ARHGEF6: variants seen among roughly 807,000 people sequenced by gnomAD.
The protein encoded by ARHGEF6 is rho guanine nucleotide exchange factor 6.
ARHGEF6 carries 9 observed loss-of-function variants against 70.3 expected under a neutral mutation model. That is an observed-to-expected ratio of 0.13 (90% CI 0.08 to 0.22). The LOEUF is 0.22. ARHGEF6 is among the 10% of genes least tolerant of loss of function. The probability of loss-of-function intolerance (pLI) is 1.00; values close to 1 mark genes in which losing one functional copy is unlikely to be tolerated. For missense variants in ARHGEF6, 470 were observed against 563.0 expected (o/e 0.83, Z 1.67); for synonymous variants, 201 against 207.8 (o/e 0.97, Z 0.28).
At chrX:136,701,056 A>G (rs1234523285) in intron 9 of ARHGEF6, among the ~76,000 whole-genome samples, 1 of 112,078 alleles carries the variant, frequency 8.9e-6, no homozygotes, top group Non-Finnish European at 1.9e-5. Flanking sequence ...AAGATATGTC[A>G]ATAGAAATTT....
At chrX:136,726,637 G>C (rs2076855434) in intron 6 of ARHGEF6, among the ~76,000 whole-genome samples, 1 of 112,451 alleles carries the variant, frequency 8.9e-6, no homozygotes, top group Non-Finnish European at 1.9e-5. Flanking sequence ...ACATGCCACA[G>C]CCTTCCTCCC....
intron 12 of ARHGEF6, among the ~76,000 whole-genome samples, chrX:136,685,200 G>T (rs1466219330): frequency 1.8e-5 from 2 of 110,972 alleles, no homozygotes; most frequent in Non-Finnish European, 3.8e-5. Context: ...TTTTGTTTTT[G>T]TGCCCCCTCC....
intron 6 of ARHGEF6, among the ~76,000 whole-genome samples, chrX:136,722,078 C>T (rs1767941693): frequency 9.1e-6 from 1 of 110,324 alleles, no homozygotes; most frequent in Non-Finnish European, 1.9e-5. Flanking sequence ...AAAAAAAAGA[C>T]CATTCAGTGG....
At chrX:136,682,312 C>T (rs1423629230) in intron 13 of ARHGEF6, among the ~76,000 whole-genome samples, 6 of 112,107 alleles carry the variant, frequency 5.4e-5, no homozygotes, top group African/African-American at 1.9e-4. Flanking sequence ...GCAATAGTAA[C>T]TTATAATACT....
chrX:136,706,792 T>C, intron 9 of ARHGEF6, 116 bp downstream of exon 9: 1 of 959,901 alleles, frequency 1.0e-6, no homozygotes, highest in East Asian at 3.1e-5. Context: ...ATGAATCAAT[T>C]CCTGGCATCA....
chrX:136,716,126 G>A (rs1476237577), intron 6 of ARHGEF6, among the ~76,000 whole-genome samples: 1 of 112,585 alleles, frequency 8.9e-6, no homozygotes, highest in Non-Finnish European at 1.9e-5. Flanking sequence ...TTTTAGTAGA[G>A]ATGGGGGTTT....
chrX:136,739,842 G>A (rs2077024841), intron 5 of ARHGEF6, among the ~76,000 whole-genome samples: 2 of 111,073 alleles, frequency 1.8e-5, no homozygotes, highest in Non-Finnish European at 3.8e-5. Flanking sequence ...GGCACAGGCA[G>A]CCAAGAGACC....
At chrX:136,684,539 A>C (rs2076364711) in intron 12 of ARHGEF6, among the ~76,000 whole-genome samples, 1 of 110,609 alleles carries the variant, frequency 9.0e-6, no homozygotes, top group Non-Finnish European at 1.9e-5. Context: ...TAAAAGAAAT[A>C]ATCCATCTTC....
At chrX:136,721,162 A>G (rs1309843770) in intron 6 of ARHGEF6, among the ~76,000 whole-genome samples, 1 of 112,376 alleles carries the variant, frequency 8.9e-6, no homozygotes, top group Middle Eastern at 4.2e-3. Flanking sequence ...TAAAAATAAA[A>G]CCAGTATGTT....
chrX:136,774,059 C>T (rs756537595), intron 2 of ARHGEF6: 1 of 110,917 alleles, frequency 9.0e-6, no homozygotes, highest in South Asian at 3.8e-4. Context: ...TTCATATGGC[C>T]CCTGTACGAG....
intron 2 of ARHGEF6, among the ~76,000 whole-genome samples, chrX:136,754,252 G>T (rs894822568): frequency 2.7e-5 from 3 of 111,035 alleles, no homozygotes; most frequent in African/African-American, 9.9e-5. Context: ...AGGCATCTTA[G>T]TGGGGCCAGT....
intron 17 of ARHGEF6, among the ~76,000 whole-genome samples, chrX:136,677,704 T>TA (rs1292350106): frequency 1.5e-4 from 16 of 110,066 alleles, no homozygotes; most frequent in Middle Eastern, 4.7e-3. Flanking sequence ...AAACAGAATT[T>TA]AAAAAAAAAC....
intron 16 of ARHGEF6, among the ~76,000 whole-genome samples, chrX:136,679,128 A>G (rs950425316): frequency 1.4e-4 from 16 of 112,397 alleles, no homozygotes; most frequent in Non-Finnish European, 3.0e-4. Context: ...ATAACACTTT[A>G]CTAATTTGGT....
intron 6 of ARHGEF6, among the ~76,000 whole-genome samples, chrX:136,726,629 A>G (rs1937342836): frequency 8.9e-6 from 1 of 112,510 alleles, no homozygotes; most frequent in African/African-American, 3.2e-5. Context: ...GTAATGTAAC[A>G]TGCCACAGCC....
rs531318479 is a variant in ARHGEF6, at chrX:136,764,545, A to C, written c.249+14869T>G. ...CATACAAACAAGTACATACTGTATG[A>C]GTCCGCTCATATAGAGTACCAAAAC... On this transcript the variant is annotated intron_variant, in intron 2 of 21. Transcript: ENST00000250617. Among the ~76,000 whole-genome samples, 7 of 112,079 alleles carry C rather than the reference A, an allele frequency of 6.2e-5. No homozygotes were observed. The South Asian group carries it at 2.6e-3, about 42-fold the overall frequency.
At chrX:136,779,379 G>T in intron 2 of ARHGEF6, 35 bp downstream of exon 2, 1 of 1,146,700 alleles carries the variant, frequency 8.7e-7, no homozygotes, top group Non-Finnish European at 1.2e-6. Flanking sequence ...GCAAAAAAAC[G>T]ATGACAACAG....
intron 2 of ARHGEF6, among the ~76,000 whole-genome samples, chrX:136,777,355 T>C (rs1228673357): frequency 9.0e-6 from 1 of 110,781 alleles, no homozygotes; most frequent in Non-Finnish European, 1.9e-5. Context: ...TCAACATCAC[T>C]AAGCACTGGA....
chrX:136,756,144 G>A (rs887804404), intron 2 of ARHGEF6, among the ~76,000 whole-genome samples: 22 of 111,610 alleles, frequency 2.0e-4, no homozygotes, highest in African/African-American at 6.8e-4. Flanking sequence ...AATAAACTCA[G>A]AAAGAGATAT....
At position 136,682,821 on chromosome X, in the gene ARHGEF6, C is replaced by G; in HGVS notation, c.1416G>C (p.Met472Ile). ...ACEEKEERYLMLFSNVLIMLS... is the reference protein window; with the variant it reads ...ACEEKEERYLILFSNVLIMLS... ...ACATTATCAGGACATTTGAAAATAA[C>G]ATAAGGTACCGCTCCTCTTTTTCCT... The change falls in exon 13 of 22, where the codon ATG (methionine) becomes ATC (isoleucine). Residue 472 changes from methionine (M) to isoleucine (I), a missense_variant. By Grantham distance (10) the Met-to-Ile change is conservative (BLOSUM62 1). This residue lies in a region of ARHGEF6 where 379 missense variants were observed against 449.3 expected (regional missense o/e 0.84). Transcript: ENST00000250617. 1 of 1,207,713 alleles carries G rather than the reference C, an allele frequency of 8.3e-7. No individual in the cohort carries two copies. The highest frequency in any genetic ancestry group is 1.1e-6 in the Non-Finnish European group (1 of 891,782).
Sources: allele counts gnomAD v4.1 joint callset (sites outside exome capture counted in the v4.1 genomes callset), GRCh38; gene constraint gnomAD v4.1.1; regional missense constraint gnomAD v4.1.1; transcripts MANE v1.5; gene names NCBI Gene and HGNC (gene_info 2026-07-23, HGNC 2026-07-21).